Variants in TENM3 observed in about 807,000 individuals in gnomAD.
TENM3 encodes the protein teneurin-3.
In TENM3, 63 loss-of-function variants were observed where a neutral mutation model predicts 255.1. The ratio of observed to expected loss-of-function variants is 0.25; its 90% CI spans 0.20 to 0.30. The LOEUF (loss-of-function observed/expected upper bound fraction) is 0.30. Ranked by LOEUF, TENM3 falls within the 10% of genes least tolerant of loss-of-function variation. TENM3 has a pLI of 1.00. For missense variants in TENM3, 2,929 were observed against 3,461.1 expected (o/e 0.85, Z 3.86); for synonymous variants, 1,306 against 1,322.3 (o/e 0.99, Z 0.27).
chr4:182,417,013 G>C (rs1770414509), intron 3 of TENM3, among the ~76,000 whole-genome samples: 1 of 151,924 alleles, frequency 6.6e-6, no homozygotes, highest in Non-Finnish European at 1.5e-5. Flanking sequence ...TCCCTCTGTC[G>C]CCCAGGCTGG....
chr4:181,516,056 G>A, the TENM3 span, among the ~76,000 whole-genome samples: 2 of 152,122 alleles, frequency 1.3e-5, no homozygotes, highest in Admixed American at 1.3e-4. Context: ...GTACATGGAG[G>A]GACATAGATG....
intron 3 of TENM3, among the ~76,000 whole-genome samples, chr4:182,347,313 C>G (rs1429470915): frequency 6.6e-6 from 1 of 152,186 alleles, no homozygotes; most frequent in African/African-American, 2.4e-5. Flanking sequence ...CCAGAGCCGT[C>G]TTGCAATCAA....
chr4:182,177,177 T>C (rs6813793), intron 1 of TENM3, among the ~76,000 whole-genome samples: 122,056 of 152,026 alleles, frequency 0.8, 49,564 homozygotes, highest in African/African-American at 0.89. Flanking sequence ...AATAACGGCT[T>C]CTTGTTCCCC....
intron 3 of TENM3, among the ~76,000 whole-genome samples, chr4:182,506,393 G>A (rs1462498377): frequency 6.6e-6 from 1 of 152,150 alleles, no homozygotes; most frequent in Non-Finnish European, 1.5e-5. Context: ...TAAAATGGGA[G>A]TAGTAACATT....
chr4:181,761,526 A>G, the TENM3 span, among the ~76,000 whole-genome samples: 1 of 152,174 alleles, frequency 6.6e-6, no homozygotes, highest in African/African-American at 2.4e-5. Context: ...ATCATTTTGA[A>G]AACTGATTTC....
the TENM3 span, among the ~76,000 whole-genome samples, chr4:181,462,225 G>A: frequency 1.3e-5 from 2 of 152,262 alleles, no homozygotes; most frequent in South Asian, 4.1e-4. Flanking sequence ...AGAAATAGCC[G>A]GGAATTTCCA....
the TENM3 span, among the ~76,000 whole-genome samples, chr4:181,538,279 G>A: frequency 6.6e-6 from 1 of 152,096 alleles, no homozygotes; most frequent in East Asian, 1.9e-4. Context: ...TAGCAAGCAT[G>A]GCCAGAATAA....
At chr4:182,751,171 T>C (rs1762341736) in intron 19 of TENM3, among the ~76,000 whole-genome samples, 1 of 152,226 alleles carries the variant, frequency 6.6e-6, no homozygotes, top group Non-Finnish European at 1.5e-5. Context: ...GCATCCTAGC[T>C]CACTGCCACA....
chr4:182,476,356 T>G (rs1531218), intron 3 of TENM3, among the ~76,000 whole-genome samples: 89,151 of 152,042 alleles, frequency 0.59, 26,853 homozygotes, highest in East Asian at 0.76. Context: ...ATTGTTTGGG[T>G]TTGGAGAGAA....
At chr4:182,556,511 T>C (rs1439855668) in intron 3 of TENM3, among the ~76,000 whole-genome samples, 2 of 152,164 alleles carry the variant, frequency 1.3e-5, no homozygotes, top group Non-Finnish European at 2.9e-5. Flanking sequence ...TAAAGAGGAA[T>C]TGTCCTATTT....
the TENM3 span, among the ~76,000 whole-genome samples, chr4:181,793,567 A>T: frequency 6.6e-6 from 1 of 152,146 alleles, no homozygotes; most frequent in Non-Finnish European, 1.5e-5. Flanking sequence ...CACAGTAGGG[A>T]ACTTGGCTTG....
chr4:182,658,680 A>G (rs754944820), intron 6 of TENM3, among the ~76,000 whole-genome samples: 15 of 152,224 alleles, frequency 9.9e-5, no homozygotes, highest in Non-Finnish European at 2.1e-4. Flanking sequence ...CAATGTTATC[A>G]TCTCTTGTGG....
At chr4:182,101,882 C>T in the TENM3 span, among the ~76,000 whole-genome samples, 1 of 152,072 alleles carries the variant, frequency 6.6e-6, no homozygotes, top group South Asian at 2.1e-4. Flanking sequence ...TCACATTGTG[C>T]CCCATATATA....
chr4:181,785,258 C>T, the TENM3 span, among the ~76,000 whole-genome samples: 2 of 152,118 alleles, frequency 1.3e-5, no homozygotes, highest in Admixed American at 6.6e-5. Context: ...TCTGAGGCTA[C>T]AGGAGGCATC....
chr4:181,576,473 A>G, the TENM3 span, among the ~76,000 whole-genome samples: 1 of 152,146 alleles, frequency 6.6e-6, no homozygotes, highest in South Asian at 2.1e-4. Context: ...ATGTGGTTCT[A>G]TTTCTAGTCC....
the TENM3 span, among the ~76,000 whole-genome samples, chr4:181,862,295 T>A: frequency 1.3e-5 from 2 of 151,954 alleles, no homozygotes; most frequent in African/African-American, 4.8e-5. Flanking sequence ...GAGCTTAGGG[T>A]CACGAAAGGC....
At chr4:182,653,127 A>T (rs2152515177) in intron 5 of TENM3, among the ~76,000 whole-genome samples, 1 of 152,294 alleles carries the variant, frequency 6.6e-6, no homozygotes, top group South Asian at 2.1e-4. Context: ...ATATAAATTT[A>T]TGAAATTATT....
intron 1 of TENM3, among the ~76,000 whole-genome samples, chr4:182,262,075 A>C (rs1758833665): frequency 6.6e-6 from 1 of 152,142 alleles, no homozygotes; most frequent in African/African-American, 2.4e-5. Flanking sequence ...AGGCATGAGC[A>C]CTCTGTTTCC....
chr4:182,529,138 G>A (rs1739522247), intron 3 of TENM3, among the ~76,000 whole-genome samples: 1 of 152,158 alleles, frequency 6.6e-6, no homozygotes, highest in African/African-American at 2.4e-5. Flanking sequence ...GTAGATTATA[G>A]TTTTCAATAT....
Sources: gnomAD v4.1 joint callset for allele counts (sites outside exome capture counted in the v4.1 genomes callset) on GRCh38, gnomAD v4.1.1 for gene constraint, MANE v1.5 for transcripts, NCBI Gene and HGNC (gene_info 2026-07-23, HGNC 2026-07-21) for gene names.